The following NR3C1 variants were observed in gnomAD, a reference collection of about 807,000 sequenced individuals.
The protein encoded by NR3C1 is glucocorticoid receptor.
NR3C1 carries 14 observed loss-of-function variants against 74.0 expected under a neutral mutation model. The observed-to-expected ratio is 0.19, with a 90% CI of 0.12 to 0.30. The LOEUF (loss-of-function observed/expected upper bound fraction) is 0.30, where lower values mean the gene tolerates loss of function less well. NR3C1 is among the 10% of genes least tolerant of loss of function. The probability of loss-of-function intolerance (pLI) is 1.00; values close to 1 mark genes in which losing one functional copy is unlikely to be tolerated. For synonymous variants in NR3C1, 308 were observed against 332.5 expected (o/e 0.93, Z 0.80); for missense variants, 695 against 909.8 (o/e 0.76, Z 3.04).
At chr5:143,405,410 A>G (rs375231749), upstream of NR3C1, 33 of 957,268 alleles carry the variant, frequency 3.4e-5, no homozygotes, top group African/African-American at 5.8e-4. Flanking sequence ...GCGTCCCGGA[A>G]GCCGCCCGCC....
chr5:143,360,178 T>C (rs575744948), intron 2 of NR3C1, among the ~76,000 whole-genome samples: 3 of 152,338 alleles, frequency 2.0e-5, no homozygotes, highest in Admixed American at 6.5e-5. Flanking sequence ...ACACACATGA[T>C]TAAAGAATAA....
chr5:143,421,791 C>CAA (rs35555700), intron 1 of NR3C1, among the ~76,000 whole-genome samples: 6 of 146,730 alleles, frequency 4.1e-5, no homozygotes, highest in Non-Finnish European at 7.5e-5. Context: ...GACTCTATCT[C>CAA]AAAAAAAAAA....
intron 2 of NR3C1, among the ~76,000 whole-genome samples, chr5:143,374,263 C>T (rs1178974644): frequency 2.0e-5 from 3 of 151,946 alleles, no homozygotes; most frequent in Non-Finnish European, 4.4e-5. Flanking sequence ...GAGGCCGAGG[C>T]GGGTGGATCA....
chr5:143,403,194 C>T lies in NR3C1; in HGVS notation c.-14+17G>A, dbSNP rs61759016. ...GGGAGCGAGCGCGCCCCGGCCCCCTCCCGCCTCGCTTCTTACCTCTGGCAG... is the reference window on the plus strand; with the variant it reads ...GGGAGCGAGCGCGCCCCGGCCCCCTTCCGCCTCGCTTCTTACCTCTGGCAG... On this transcript the variant is annotated intron_variant, in intron 1 of 8. Coordinates refer to ENST00000394464, the MANE Select transcript of NR3C1 (RefSeq NM_000176.3). 96 of 985,118 alleles carry T rather than the reference C, an allele frequency of 9.7e-5. No individual in the cohort carries two copies. In the African/African-American group the frequency reaches 1.1e-3, roughly 12 times the overall value. The allele number at this position is 985,118 out of a possible 1,614,324, so 61.0% of individuals were successfully genotyped here. A position where few individuals can be genotyped will look rare whatever the true frequency, so the allele number is the denominator to read the frequency against.
At chr5:143,392,962 T>G (rs1838539142) in intron 2 of NR3C1, among the ~76,000 whole-genome samples, 1 of 152,196 alleles carries the variant, frequency 6.6e-6, no homozygotes, top group South Asian at 2.1e-4. Context: ...CACCGCTCAT[T>G]AAGTGTTTTG....
rs1380157096 is a variant in NR3C1 at position 143,314,148 on chromosome 5, A to C, written c.1205T>G (p.Val402Gly). ...TGAGGAGCTGGATGGAGGAGAGCTTACATCTGGTCTCATGCTGGGGCTAAA... is the reference window on the plus strand; with the variant it reads ...TGAGGAGCTGGATGGAGGAGAGCTTCCATCTGGTCTCATGCTGGGGCTAAA... The part of the protein sequence containing the change: ...GYSSPSMRPD[V>G]SSPPSSSSTA... Residue 402 changes from valine to glycine, a missense_variant, in exon 3 of 9, where the codon GTA becomes GGA. Physicochemically the swap from Val to Gly is moderately radical, Grantham distance 109. Around this residue, in one of 4 missense-constraint regions of NR3C1, gnomAD observed 497 missense variants for 489.5 expected, o/e 1.02. Coordinates refer to ENST00000394464, the MANE Select transcript of NR3C1 (RefSeq NM_000176.3). The C allele has an allele frequency of 3.1e-6, 5 of 1,613,750 alleles. No individual in the cohort carries two copies. The highest frequency in any genetic ancestry group is 4.2e-6 in the Non-Finnish European group (5 of 1,179,770).
intron 4 of NR3C1, among the ~76,000 whole-genome samples, chr5:143,301,202 G>A (rs1818423481): frequency 6.6e-6 from 1 of 151,786 alleles, no homozygotes; most frequent in African/African-American, 2.4e-5. Flanking sequence ...TACAAACTGT[G>A]GTTTAAGATT....
intron 2 of NR3C1, among the ~76,000 whole-genome samples, chr5:143,392,126 C>T (rs559424441): frequency 2.8e-3 from 419 of 152,102 alleles, no homozygotes; most frequent in Non-Finnish European, 4.7e-3. Flanking sequence ...CCACCATGCC[C>T]GGCTAATTTT....
intron 2 of NR3C1, among the ~76,000 whole-genome samples, chr5:143,328,687 G>C (rs548376644): frequency 7.9e-4 from 121 of 152,318 alleles, no homozygotes; most frequent in Non-Finnish European, 1.4e-3. Flanking sequence ...TTGCTGCTTA[G>C]AAATTTTCTT....
intron 2 of NR3C1, among the ~76,000 whole-genome samples, chr5:143,365,342 A>G (rs1832995207): frequency 6.6e-6 from 1 of 152,218 alleles, no homozygotes; most frequent in Non-Finnish European, 1.5e-5. Context: ...AAAGAAGAAA[A>G]TATTCCATGC....
intron 1 of NR3C1, among the ~76,000 whole-genome samples, chr5:143,414,775 C>T (rs1841425652): frequency 6.6e-6 from 1 of 152,118 alleles, no homozygotes; most frequent in South Asian, 2.1e-4. Flanking sequence ...TTAAATAGTT[C>T]GGTTATTGAA....
chr5:143,383,210 C>G (rs1039918055), intron 2 of NR3C1, among the ~76,000 whole-genome samples: 3 of 152,236 alleles, frequency 2.0e-5, no homozygotes, highest in Non-Finnish European at 4.4e-5. Flanking sequence ...GCAGTTTGAA[C>G]TGTGCCTCAC....
chr5:143,299,266 G>A (rs1817970669), intron 5 of NR3C1, among the ~76,000 whole-genome samples: 2 of 151,470 alleles, frequency 1.3e-5, no homozygotes, highest in Non-Finnish European at 2.9e-5. Context: ...CACCCACCTG[G>A]GCTTCCCAAA....
intron 2 of NR3C1, among the ~76,000 whole-genome samples, chr5:143,328,005 C>T (rs115108480): frequency 0.015 from 2,269 of 152,354 alleles, 41 homozygotes; most frequent in Non-Finnish European, 0.017. Context: ...ATTTCCCTTC[C>T]GCATTGCCCT....
chr5:143,376,644 G>T (rs1600398138), intron 2 of NR3C1, among the ~76,000 whole-genome samples: 1 of 152,158 alleles, frequency 6.6e-6, no homozygotes, highest in East Asian at 1.9e-4. Flanking sequence ...CCTTCTTAGT[G>T]CAGTGGTTCT....
exon 1 of NR3C1, chr5:143,435,212 T>C (rs1752051417): frequency 8.1e-6 from 8 of 985,530 alleles, no homozygotes; most frequent in Non-Finnish European, 9.6e-6. Flanking sequence ...ACCCTCTTTC[T>C]GTTTCTATTC....
At chr5:143,408,490 A>G (rs1841189918), upstream of NR3C1, among the ~76,000 whole-genome samples, 1 of 152,112 alleles carries the variant, frequency 6.6e-6, no homozygotes, top group African/African-American at 2.4e-5. Context: ...TTCAGTATCC[A>G]TGACCTGAAA....
chr5:143,339,659 T>C (rs1827829821), intron 2 of NR3C1, among the ~76,000 whole-genome samples: 1 of 152,230 alleles, frequency 6.6e-6, no homozygotes, highest in African/African-American at 2.4e-5. Context: ...ATCTCTGTCC[T>C]GAAGCTAGAA....
At chr5:143,419,868 C>CT (rs2151958969) in intron 1 of NR3C1, among the ~76,000 whole-genome samples, 1 of 152,186 alleles carries the variant, frequency 6.6e-6, no homozygotes, top group African/African-American at 2.4e-5. Flanking sequence ...CCTAATAAGC[C>CT]TGGGAGCGCT....
Sources: gnomAD v4.1 joint callset for allele counts (sites outside exome capture counted in the v4.1 genomes callset) on GRCh38, gnomAD v4.1.1 for gene constraint, gnomAD v4.1.1 regional missense constraint, MANE v1.5 for transcripts, NCBI Gene and HGNC (gene_info 2026-07-23, HGNC 2026-07-21) for gene names.